CBY2: variants seen among roughly 807,000 people sequenced by gnomAD.
The protein encoded by CBY2 is protein chibby homolog 2.
CBY2 carries 23 observed loss-of-function variants against 25.3 expected under a neutral mutation model. The ratio of observed to expected loss-of-function variants is 0.91; its 90% CI spans 0.65 to 1.29. The LOEUF (loss-of-function observed/expected upper bound fraction) is 1.29. Among genes scored for constraint, CBY2 ranks in the 50% most tolerant of loss-of-function variants. The probability of loss-of-function intolerance (pLI) is 0.00; values close to 1 mark genes in which losing one functional copy is unlikely to be tolerated. For synonymous variants in CBY2, 279 were observed against 260.2 expected (o/e 1.07, Z -0.70); for missense variants, 642 against 590.7 (o/e 1.09, Z -0.90).
At chr13:45,711,138 A>G (rs756754315) in intron 2 of CBY2, among the ~76,000 whole-genome samples, 2 of 152,214 alleles carry the variant, frequency 1.3e-5, no homozygotes, top group Admixed American at 6.5e-5. Context: ...CATGGCTGCA[A>G]TCATCACCTC....
chr13:45,712,079 G>C (rs1223506983), intron 2 of CBY2, among the ~76,000 whole-genome samples: 2 of 152,184 alleles, frequency 1.3e-5, no homozygotes, highest in African/African-American at 4.8e-5. Flanking sequence ...CGCCATTTTG[G>C]ACACAGCAAT....
chr13:45,711,348 T>A (rs1251487258), intron 2 of CBY2, among the ~76,000 whole-genome samples: 1 of 152,204 alleles, frequency 6.6e-6, no homozygotes, highest in East Asian at 1.9e-4. Context: ...TATTTCTATT[T>A]TACAGGTATA....
chr13:45,703,594 A>G, intron 2 of CBY2: 1 of 1,549,678 alleles, frequency 6.5e-7, no homozygotes, highest in African/African-American at 1.4e-5. Context: ...ATGCAGAGGT[A>G]ACTATCTGAG....
chr13:45,707,321 G>A (rs1950245290), intron 2 of CBY2, among the ~76,000 whole-genome samples: 1 of 152,062 alleles, frequency 6.6e-6, no homozygotes. Context: ...CATGCTTATA[G>A]ATTTTACATC....
intron 2 of CBY2, among the ~76,000 whole-genome samples, chr13:45,710,165 G>A (rs1231085188): frequency 6.6e-6 from 1 of 152,130 alleles, no homozygotes; most frequent in Non-Finnish European, 1.5e-5. Flanking sequence ...CATGTTGATA[G>A]CTTCTGGAGT....
intron 2 of CBY2, among the ~76,000 whole-genome samples, chr13:45,708,054 A>C (rs934213312): frequency 1.3e-5 from 2 of 152,236 alleles, no homozygotes; most frequent in Non-Finnish European, 2.9e-5. Context: ...ATTTCTGAAC[A>C]ACAAACCCTC....
chr13:45,705,119 G>A (rs976675883), intron 2 of CBY2, among the ~76,000 whole-genome samples: 1 of 152,110 alleles, frequency 6.6e-6, no homozygotes, highest in Admixed American at 6.6e-5. Context: ...TCACCCTAAG[G>A]TCTTTTCAGG....
In CBY2 at chr13:45,714,032, G is replaced by A. The variant is rs1226559048; in HGVS notation, c.1007G>A (p.Gly336Glu). 2 of 1,490,708 alleles carry A rather than the reference G, an allele frequency of 1.3e-6. No individual in the cohort carries two copies. The highest frequency in any genetic ancestry group is 8.9e-7 in the Non-Finnish European group (1 of 1,119,696). The allele number at this position is 1,490,708 out of a possible 1,614,324, so 92.3% of individuals were successfully genotyped here. ...ALRKMVSNMSGPSGEEEAKVG... is the reference protein window; with the variant it reads ...ALRKMVSNMSEPSGEEEAKVG... ...CGGAAGATGGTCAGCAACATGTCCGGGCCCTCCGGGGAGGAGGAGGCCAAG... is the reference window on the plus strand; with the variant it reads ...CGGAAGATGGTCAGCAACATGTCCGAGCCCTCCGGGGAGGAGGAGGCCAAG... Residue 336 changes from glycine (G) to glutamate (E), a missense_variant, in exon 3 of 3, where the codon GGG (glycine) becomes GAG (glutamate). Coordinates refer to ENST00000310521, the MANE Select transcript of CBY2 (RefSeq NM_152719.3).
At chr13:45,705,267 T>C (rs1950233382) in intron 2 of CBY2, among the ~76,000 whole-genome samples, 1 of 152,238 alleles carries the variant, frequency 6.6e-6, no homozygotes, top group Non-Finnish European at 1.5e-5. Flanking sequence ...CTTTTGTATG[T>C]AATGATTCAG....
In CBY2 at chr13:45,714,306, C is replaced by T. The variant is rs762877838; in HGVS notation, c.1281C>T (p.Leu427=). Residue 427 remains leucine, a synonymous_variant, in exon 3 of 3, where the codon CTC becomes CTT. Coordinates refer to ENST00000310521, the MANE Select transcript of CBY2 (RefSeq NM_152719.3). ...VTEVTARMEM[L]IEELYAFMPA... ...AGGTCACCGCGCGCATGGAAATGCT[C>T]ATCGAGGAGCTCTACGCCTTCATGC... 6.2e-6 allele frequency: 10 copies of T among 1,613,088 alleles called. No homozygotes were observed. The highest frequency in any genetic ancestry group is 1.1e-5 in the South Asian group (1 of 90,858).
Position 45,713,930 on chromosome 13 carries a change from C to A in CBY2, c.905C>A (p.Ser302Tyr). Reference protein sequence around the residue: ...CSPGLLQDQGSGLSSRFEEPK... With the variant: ...CSPGLLQDQGYGLSSRFEEPK... Reference sequence around the variant, plus strand: ...CCCGGGCTGCTGCAGGACCAGGGCTCCGGCCTCTCCTCCCGCTTCGAGGAG... The same window carrying A: ...CCCGGGCTGCTGCAGGACCAGGGCTACGGCCTCTCCTCCCGCTTCGAGGAG... The change falls in exon 3 of 3, where the codon TCC (serine) becomes TAC (tyrosine). Residue 302 changes from serine to tyrosine, a missense_variant. By Grantham distance (144) the Ser-to-Tyr change is moderately radical (BLOSUM62 -2). Coordinates refer to ENST00000310521, the MANE Select transcript of CBY2 (RefSeq NM_152719.3). This position sits in a 1 kb window ranked among gnomAD's most constrained non-coding sequence, Gnocchi z 5.0. 1 of 1,535,086 alleles carries A rather than the reference C, an allele frequency of 6.5e-7. No individual in the cohort carries two copies.
rs1316536962 is a variant in CBY2, at chr13:45,714,261, G to A, written c.1236G>A (p.Leu412=). The A allele has an allele frequency of 6.2e-7, 1 of 1,613,058 alleles. No individual in the cohort carries two copies. Among genetic ancestry groups the A allele is most frequent in the African/African-American group, 1.3e-5 (1 of 74,940 alleles). Residue 412 remains leucine (L), a synonymous_variant, in exon 3 of 3, where the codon CTG becomes CTA. Coordinates refer to ENST00000310521, the MANE Select transcript of CBY2 (RefSeq NM_152719.3). The part of the protein sequence containing the change: ...ENNKLKLQQK[L]VIDTVTEVTA... ...ACAAGCTGAAGCTGCAGCAGAAGCT[G>A]GTCATTGACACCGTGACCGAGGTCA...
rs571762878 is a variant in CBY2 at position 45,707,829 on chromosome 13, T to G, written c.156+4974T>G. 2.6e-4 allele frequency among the ~76,000 whole-genome samples: 39 copies of G among 152,358 alleles called. 1 individual carries two copies. In the South Asian group the frequency reaches 2.7e-3, roughly 11 times the overall value. ...CTCCTTTATCAGCTATGTAATCTTA[T>G]GCAGAATCATGCCAGTTCTTTGGGT... On this transcript the variant is annotated intron_variant, in intron 2 of 2. Transcript: ENST00000310521.
chr13:45,711,372 T>C (rs1381104829), intron 2 of CBY2, among the ~76,000 whole-genome samples: 1 of 152,178 alleles, frequency 6.6e-6, no homozygotes, highest in Non-Finnish European at 1.5e-5. Context: ...CATTGACTTT[T>C]CAATGTTGGA....
chr13:45,705,152 T>C (rs1247817416), intron 2 of CBY2, among the ~76,000 whole-genome samples: 1 of 152,180 alleles, frequency 6.6e-6, no homozygotes, highest in African/African-American at 2.4e-5. Flanking sequence ...CCTGTTTTTC[T>C]TCCTCACATT....
chr13:45,713,723 A>T lies in CBY2; in HGVS notation c.698A>T (p.His233Leu). Residue 233 changes from histidine to leucine, a missense_variant, in exon 3 of 3, where the codon CAC (histidine) becomes CTC (leucine). By Grantham distance (99) the His-to-Leu change is moderately conservative. Coordinates refer to ENST00000310521, the MANE Select transcript of CBY2 (RefSeq NM_152719.3). The surrounding 1 kb of genome is among the most constrained non-coding windows in gnomAD (Gnocchi z 5.0). Reference sequence around the variant, plus strand: ...TCCCTGGAGGTGGTGAAGAAGGACCACGTCGCCCTGCAGGTGCCCCGTGGC... The same window carrying T: ...TCCCTGGAGGTGGTGAAGAAGGACCTCGTCGCCCTGCAGGTGCCCCGTGGC... ...SASLEVVKKD[H>L]VALQVPRGKE... is the part of the protein sequence containing the mutation. The T allele has an allele frequency of 2.5e-6, 4 of 1,611,758 alleles. No individual in the cohort carries two copies. The highest frequency in any genetic ancestry group is 3.4e-6 in the Non-Finnish European group (4 of 1,179,756).
intron 2 of CBY2, among the ~76,000 whole-genome samples, chr13:45,707,799 T>C (rs1400057793): frequency 6.6e-6 from 1 of 152,224 alleles, no homozygotes; most frequent in Non-Finnish European, 1.5e-5. Flanking sequence ...TAAACCCTGG[T>C]TCCACTCCTT....
Position 45,714,549 on chromosome 13 carries a change from A to G in CBY2, c.*177A>G. On this transcript the variant is annotated 3_prime_UTR_variant, in exon 3 of 3. Coordinates refer to ENST00000310521, the MANE Select transcript of CBY2 (RefSeq NM_152719.3). Reference sequence around the variant, plus strand: ...ATAAAGGTGTGAGGAGGCTGGGGCCAGTTGACACCAGCATGCTGCCTTTTT... The same window carrying G: ...ATAAAGGTGTGAGGAGGCTGGGGCCGGTTGACACCAGCATGCTGCCTTTTT... 3.9e-6 allele frequency: 2 copies of G among 507,628 alleles called. No individual in the cohort carries two copies. Among genetic ancestry groups the G allele is most frequent in the East Asian group, 5.9e-5 (2 of 34,028 alleles). The allele number at this position is 507,628 out of a possible 1,614,324, so 31.4% of individuals were successfully genotyped here.
Position 45,713,670 on chromosome 13 carries a change from C to G in CBY2, c.645C>G (p.Pro215=), listed in dbSNP as rs932850533. The G allele has an allele frequency of 6.2e-7, 1 of 1,612,916 alleles. No individual in the cohort carries two copies. Among genetic ancestry groups the G allele is most frequent in the Non-Finnish European group, 8.5e-7 (1 of 1,179,972 alleles). ...TGGGCCGAGAGGAGAGCCGGGCCCC[C>G]TCGCCACTGCTGCACAAAGACAGCG... ...ASLGREESRA[P]SPLLHKDSAS... Residue 215 remains proline, a synonymous_variant, in exon 3 of 3, where the codon CCC becomes CCG. Coordinates refer to ENST00000310521, the MANE Select transcript of CBY2 (RefSeq NM_152719.3). This position sits in a 1 kb window ranked among gnomAD's most constrained non-coding sequence, Gnocchi z 5.0.
Sources: gnomAD v4.1 joint callset for allele counts (sites outside exome capture counted in the v4.1 genomes callset) on GRCh38, gnomAD v4.1.1 for gene constraint, Gnocchi (gnomAD v3.1) non-coding constraint, MANE v1.5 for transcripts, NCBI Gene and HGNC (gene_info 2026-07-23, HGNC 2026-07-21) for gene names.